The following HNRNPL variants were observed in gnomAD, a reference collection of about 807,000 sequenced individuals.
The protein encoded by HNRNPL is epididymis secretory sperm binding protein.
HNRNPL carries 12 observed loss-of-function variants against 64.0 expected under a neutral mutation model. The observed-to-expected ratio is 0.19, with a 90% CI of 0.12 to 0.30. The LOEUF is 0.30. Ranked by LOEUF, HNRNPL falls within the 10% of genes least tolerant of loss-of-function variation. HNRNPL has a pLI of 1.00. For synonymous variants in HNRNPL, 385 were observed against 313.0 expected, an observed-to-expected ratio of 1.23 and a Z score of -2.43; for missense variants, 484 against 797.4, an observed-to-expected ratio of 0.61 and a Z score of 4.73.
intron 2 of HNRNPL, among the ~76,000 whole-genome samples, chr19:38,846,364 C>G (rs889353789): frequency 2.6e-5 from 4 of 152,200 alleles, no homozygotes; most frequent in African/African-American, 9.6e-5. Context: ...TACACTATGA[C>G]AGTGCAAATC....
intron 10 of HNRNPL, among the ~76,000 whole-genome samples, chr19:38,837,967 C>A (rs978396473): frequency 1.3e-5 from 2 of 152,240 alleles, no homozygotes; most frequent in African/African-American, 2.4e-5. Flanking sequence ...CAGCCAGATC[C>A]ACTTGAGTTC....
At chr19:38,852,182 C>T (rs1972520441), upstream of HNRNPL, 1 of 146,098 alleles carries the variant, frequency 6.8e-6, no homozygotes, top group Non-Finnish European at 1.5e-5. Flanking sequence ...CCCCCGCGCT[C>T]CCGGCCACCG....
chr19:38,850,406 C>G (rs1480782424), upstream of HNRNPL: 1 of 166,390 alleles, frequency 6.0e-6, no homozygotes, highest in African/African-American at 2.4e-5. Flanking sequence ...GGAAGCCCCG[C>G]CCTTTTTTGG....
In HNRNPL at chr19:38,838,377, C is replaced by A. The variant is rs368143801; in HGVS notation, c.1557+20G>T. ...GCCGTGGCAAGGACCCGACTGCCTG[C>A]GCAGCTCCACGGCACACACCTCAAA... On this transcript the variant is annotated intron_variant, in intron 10 of 12. Coordinates refer to ENST00000221419, the MANE Select transcript of HNRNPL (RefSeq NM_001533.3). The A allele has an allele frequency of 6.3e-6, 10 of 1,595,866 alleles. No homozygotes were observed. Among genetic ancestry groups the A allele is most frequent in the Non-Finnish European group, 8.6e-6 (10 of 1,165,292 alleles).
chr19:38,846,440 T>C (rs972245708), intron 2 of HNRNPL, among the ~76,000 whole-genome samples: 5 of 152,158 alleles, frequency 3.3e-5, no homozygotes, highest in African/African-American at 1.2e-4. Flanking sequence ...TTGCAGTATA[T>C]AGCATGCACC....
intron 1 of HNRNPL, among the ~76,000 whole-genome samples, chr19:38,849,005 G>A (rs1421955868): frequency 2.0e-5 from 3 of 152,166 alleles, no homozygotes; most frequent in Admixed American, 1.3e-4. Flanking sequence ...ATTACAGGGG[G>A]TCGAAATGCT....
At chr19:38,848,906 T>C (rs895130352) in intron 1 of HNRNPL, among the ~76,000 whole-genome samples, 7 of 152,104 alleles carry the variant, frequency 4.6e-5, no homozygotes, top group Non-Finnish European at 7.4e-5. Flanking sequence ...ACCCTGCAAA[T>C]AGGCGGCCCT....
Position 38,849,801 on chromosome 19 carries a change from G to C in HNRNPL, c.166C>G (p.Arg56Gly). 1 of 1,364,128 alleles carries C rather than the reference G, an allele frequency of 7.3e-7. No homozygotes were observed. Among genetic ancestry groups the C allele is most frequent in the Non-Finnish European group, 9.9e-7 (1 of 1,010,578 alleles). 84.5% of individuals were successfully genotyped at this position (1,364,128 alleles called of 1,614,324 possible). ...TCAGTCTTGAGCCGCTTAGGGGCCCGGCCGCCCTCACTGCCGCCGCCGTAG... is the reference window on the plus strand; with the variant it reads ...TCAGTCTTGAGCCGCTTAGGGGCCCCGCCGCCCTCACTGCCGCCGCCGTAG... Reference protein sequence around the residue: ...RYYGGGSEGGRAPKRLKTDNA... With the variant: ...RYYGGGSEGGGAPKRLKTDNA... Residue 56 changes from arginine to glycine, a missense_variant, in exon 1 of 13, where the codon CGG (arginine) becomes GGG (glycine). Around this residue, in one of 9 missense-constraint regions of HNRNPL, gnomAD observed 190 missense variants for 160.1 expected, o/e 1.19. Coordinates refer to ENST00000221419, the MANE Select transcript of HNRNPL (RefSeq NM_001533.3).
At chr19:38,839,553 A>ATCT (rs1321704397) in intron 8 of HNRNPL, 3 of 171,050 alleles carry the variant, frequency 1.8e-5, no homozygotes, top group Admixed American at 1.7e-4. Context: ...CATGTAAAGC[A>ATCT]TCTTTAACAG....
Position 38,849,868 on chromosome 19 carries a change from C to A in HNRNPL, c.99G>T (p.Val33=), listed in dbSNP as rs1353598613. Reference sequence around the variant, plus strand: ...CTCCGCCGCCCGCCGCCGCCATCTTCACCATCGCTCCCGACCGCCTCCGCT... The same window carrying A: ...CTCCGCCGCCCGCCGCCGCCATCTTAACCATCGCTCCCGACCGCCTCCGCT... ...DEQRRRSGAM[V]KMAAAGGGGG... is the part of the protein sequence containing the mutation. The change falls in exon 1 of 13, where the codon GTG becomes GTT. Residue 33 remains valine (V), a synonymous_variant. Transcript: ENST00000221419. The A allele has an allele frequency of 4.9e-6, 6 of 1,230,870 alleles. No individual in the cohort carries two copies. The Admixed American group carries it at 7.5e-5, about 15-fold the overall frequency. The allele number at this position is 1,230,870 out of a possible 1,614,324, so 76.2% of individuals were successfully genotyped here.
At chr19:38,844,457 T>C (rs1294324867) in intron 4 of HNRNPL, among the ~76,000 whole-genome samples, 1 of 152,166 alleles carries the variant, frequency 6.6e-6, no homozygotes, top group Non-Finnish European at 1.5e-5. Flanking sequence ...TGAAAGTCCA[T>C]CAGTGGCTTT....
chr19:38,841,097 G>C (rs971996123), intron 6 of HNRNPL: 2 of 201,888 alleles, frequency 9.9e-6, no homozygotes, highest in Admixed American at 1.1e-4. Flanking sequence ...CAGCCCAAGA[G>C]GGACTGACTG....
intron 6 of HNRNPL, among the ~76,000 whole-genome samples, chr19:38,843,018 C>T (rs183603376): frequency 6.6e-6 from 1 of 152,282 alleles, no homozygotes; most frequent in East Asian, 1.9e-4. Flanking sequence ...TCTAGCCCAC[C>T]CTGCCCACTG....
At chr19:38,851,152 G>T (rs1175860920), upstream of HNRNPL, 1 of 152,504 alleles carries the variant, frequency 6.6e-6, no homozygotes, top group African/African-American at 2.4e-5. Context: ...GCCCAGTACA[G>T]CACCTGGCAC....
rs930876148 is a variant in HNRNPL at position 38,840,326 on chromosome 19, G to C, written c.1003C>G (p.Pro335Ala). The C allele has an allele frequency of 1.3e-6, 2 of 1,539,420 alleles. No homozygotes were observed. The highest frequency in any genetic ancestry group is 1.8e-6 in the Non-Finnish European group (2 of 1,136,566). ...CTCCCTTCGTAGTGAGGTGGGGGGG[G>C]CCCGTAGCCCTCATCATGGTAATGG... is the stretch of plus-strand genomic sequence containing the variant. ...HSHYHDEGYG[P>A]PPPHYEGRRM... Residue 335 changes from proline to alanine, a missense_variant, in exon 8 of 13, where the codon CCC becomes GCC. Physicochemically the swap from Pro to Ala is conservative, Grantham distance 27. Coordinates refer to ENST00000221419, the MANE Select transcript of HNRNPL (RefSeq NM_001533.3).
intron 4 of HNRNPL, chr19:38,845,230 T>C (rs1164632462): frequency 6.3e-6 from 1 of 158,986 alleles, no homozygotes; most frequent in East Asian, 1.9e-4. Flanking sequence ...CTACTAAAAA[T>C]AAAAAAAATT....
At chr19:38,845,466 C>G (rs943609248) in intron 4 of HNRNPL, 184 bp downstream of exon 4, 2 of 611,150 alleles carry the variant, frequency 3.3e-6, no homozygotes, top group South Asian at 1.9e-5. Context: ...AAGATCTGCA[C>G]GTCCACACGA....
At chr19:38,836,824 C>T in intron 12 of HNRNPL, 44 bp from the exon 13 acceptor site, 1 of 1,464,536 alleles carries the variant, frequency 6.8e-7, no homozygotes, top group South Asian at 1.2e-5. Flanking sequence ...TCTTTGGAGG[C>T]TCCCCAAACC....
At chr19:38,848,972 G>T (rs958140820) in intron 1 of HNRNPL, among the ~76,000 whole-genome samples, 2 of 152,134 alleles carry the variant, frequency 1.3e-5, no homozygotes, top group African/African-American at 4.8e-5. Flanking sequence ...CAAAAGCAAC[G>T]ACTGGTGTTT....
Sources: allele counts gnomAD v4.1 joint callset (sites outside exome capture counted in the v4.1 genomes callset), GRCh38; gene constraint gnomAD v4.1.1; regional missense constraint gnomAD v4.1.1; transcripts MANE v1.5; gene names NCBI Gene and HGNC (gene_info 2026-07-23, HGNC 2026-07-21).